The following NKAIN3 variants were observed in gnomAD, a reference collection of about 807,000 sequenced individuals.
The protein encoded by NKAIN3 is sodium/potassium transporting ATPase interacting 3.
Under a neutral mutation model 30.2 loss-of-function variants are expected in NKAIN3, and 25 were observed. The ratio of observed to expected loss-of-function variants is 0.83; its 90% CI spans 0.60 to 1.16. The LOEUF (loss-of-function observed/expected upper bound fraction) is 1.16. NKAIN3 is among the 50% of genes most tolerant of loss of function. The probability of loss-of-function intolerance (pLI) is 0.00; values close to 1 mark genes in which losing one functional copy is unlikely to be tolerated. For synonymous variants in NKAIN3, 91 were observed against 89.6 expected (o/e 1.02, Z -0.09); for missense variants, 225 against 254.1 (o/e 0.89, Z 0.78).
At position 62,574,554 on chromosome 8, in the gene NKAIN3, G is replaced by A. The variant is rs561604562; in HGVS notation, c.55-4985G>A. On this transcript the variant is annotated intron_variant, in intron 1 of 6. Transcript: ENST00000623646. ...ACAGAGCTATAGTAACTGAAACAGC[G>A]TGGCACTGGCATAAAAACAGACACA... Among the ~76,000 whole-genome samples the A allele has an allele frequency of 2.2e-4, 34 of 152,140 alleles. No individual in the cohort carries two copies. In the East Asian group the frequency reaches 2.5e-3, roughly 11 times the overall value.
chr8:62,294,876 A>G (rs187730401), intron 1 of NKAIN3, among the ~76,000 whole-genome samples: 9 of 152,244 alleles, frequency 5.9e-5, no homozygotes, highest in Admixed American at 3.3e-4. Context: ...GTAATTACCT[A>G]CATAGTTCAA....
intron 4 of NKAIN3, among the ~76,000 whole-genome samples, chr8:62,844,062 G>T (rs781525331): frequency 2.0e-5 from 3 of 152,164 alleles, no homozygotes; most frequent in East Asian, 1.9e-4. Context: ...ATTATTAAAG[G>T]TTATTTGCAT....
chr8:62,761,752 C>G (rs1816670822), intron 4 of NKAIN3, among the ~76,000 whole-genome samples: 1 of 152,114 alleles, frequency 6.6e-6, no homozygotes, highest in African/African-American at 2.4e-5. Flanking sequence ...CTTCATATTG[C>G]CGAAAAGAAC....
At chr8:62,514,533 A>G (rs1258467002) in intron 1 of NKAIN3, among the ~76,000 whole-genome samples, 1 of 152,184 alleles carries the variant, frequency 6.6e-6, no homozygotes, top group Non-Finnish European at 1.5e-5. Context: ...GGAACAAAAT[A>G]TGAGATTGTT....
At chr8:62,531,241 T>G (rs566766235) in intron 1 of NKAIN3, among the ~76,000 whole-genome samples, 1 of 152,320 alleles carries the variant, frequency 6.6e-6, no homozygotes, top group African/African-American at 2.4e-5. Flanking sequence ...TCATGTCGTT[T>G]TAGTACATCA....
At position 62,966,435 on chromosome 8, in the gene NKAIN3, T is replaced by C. The variant is rs950512694; in HGVS notation, c.*1028T>C. On this transcript the variant is annotated 3_prime_UTR_variant, in exon 7 of 7. Coordinates refer to ENST00000623646, the MANE Select transcript of NKAIN3 (RefSeq NM_001304533.3). Reference sequence around the variant, plus strand: ...CGCATCACAGTTGTATTTTTTTAACTGGCATAAAACTTACATATGGTAAAA... The same window carrying C: ...CGCATCACAGTTGTATTTTTTTAACCGGCATAAAACTTACATATGGTAAAA... The C allele has an allele frequency of 1.0e-6, 1 of 969,100 alleles. No individual in the cohort carries two copies. Among genetic ancestry groups the C allele is most frequent in the South Asian group, 4.8e-5 (1 of 20,958 alleles). 60.0% of individuals were successfully genotyped at this position (969,100 alleles called of 1,614,324 possible). A position where few individuals can be genotyped will look rare whatever the true frequency, so the allele number is the denominator to read the frequency against.
chr8:62,695,093 C>G (rs6472043), intron 3 of NKAIN3, among the ~76,000 whole-genome samples: 15,363 of 152,132 alleles, frequency 0.1, 1,946 homozygotes, highest in African/African-American at 0.3. Context: ...TTTTCTAATC[C>G]TCTCACCTTA....
At position 62,702,604 on chromosome 8, in the gene NKAIN3, T is replaced by C. The variant is rs114909365; in HGVS notation, c.274-44328T>C. 5.1e-3 allele frequency among the ~76,000 whole-genome samples: 783 copies of C among 152,316 alleles called. 3 individuals are homozygous for C. The highest frequency in any genetic ancestry group is 0.017 in the African/African-American group (727 of 41,586). Reference sequence around the variant, plus strand: ...AGTAAACATCGTTTATGTGGTTTTCTAGATGGTTTCAAATTTGAAATTTAG... The same window carrying C: ...AGTAAACATCGTTTATGTGGTTTTCCAGATGGTTTCAAATTTGAAATTTAG... On this transcript the variant is annotated intron_variant, in intron 3 of 6. Transcript: ENST00000623646.
At chr8:62,460,731 T>C (rs1805974586) in intron 1 of NKAIN3, among the ~76,000 whole-genome samples, 1 of 152,198 alleles carries the variant, frequency 6.6e-6, no homozygotes, top group Non-Finnish European at 1.5e-5. Context: ...CTGTCTTTTT[T>C]ACTCGATAGA....
At chr8:62,333,524 T>C (rs1179305770) in intron 1 of NKAIN3, among the ~76,000 whole-genome samples, 1 of 152,138 alleles carries the variant, frequency 6.6e-6, no homozygotes, top group African/African-American at 2.4e-5. Flanking sequence ...TACTGGAATC[T>C]TGTAATAGTC....
chr8:62,253,590 GTAAA>G (rs575987364), intron 1 of NKAIN3, among the ~76,000 whole-genome samples: 31 of 152,198 alleles, frequency 2.0e-4, no homozygotes, highest in African/African-American at 6.5e-4. Context: ...AAATACATAA[GTAAA>G]TAAATAAATA....
In NKAIN3 at chr8:62,311,717, C is replaced by T. The variant is rs373198401; in HGVS notation, c.54+62590C>T. Among the ~76,000 whole-genome samples the T allele has an allele frequency of 4.0e-5, 6 of 150,460 alleles. No individual in the cohort carries two copies. The East Asian group carries it at 9.7e-4, about 24-fold the overall frequency. ...ACATGGACGTGCCACCTGGGGCACA[C>T]GAAGACTGCGTGGGGTGCTCCTGTG... On this transcript the variant is annotated intron_variant, in intron 1 of 6. Transcript: ENST00000623646.
At chr8:62,855,853 A>G (rs1820045031) in intron 4 of NKAIN3, 2 of 785,958 alleles carry the variant, frequency 2.5e-6, no homozygotes, top group South Asian at 2.8e-5. Context: ...TGGTCATCCA[A>G]CTCCTCTTCC....
intron 5 of NKAIN3, among the ~76,000 whole-genome samples, chr8:62,927,867 A>G (rs1822497462): frequency 6.6e-6 from 1 of 152,248 alleles, no homozygotes; most frequent in African/African-American, 2.4e-5. Context: ...ACCAGACAAT[A>G]AAAGAGATGT....
In NKAIN3 at chr8:62,919,999, C is replaced by A. The variant is rs576239088; in HGVS notation, c.532+1486C>A. Among the ~76,000 whole-genome samples, 8 of 149,336 alleles carry A rather than the reference C, an allele frequency of 5.4e-5. No individual in the cohort carries two copies. In the South Asian group the frequency reaches 1.8e-3, roughly 34 times the overall value. ...ACAACACTTTTCATTTTGAGGTTAA[C>A]TTCAAATCTCTATTTTTAGGAGTTT... On this transcript the variant is annotated intron_variant, in intron 5 of 6. Coordinates refer to ENST00000623646, the MANE Select transcript of NKAIN3 (RefSeq NM_001304533.3).
chr8:62,267,335 G>T (rs1421191161), intron 1 of NKAIN3, among the ~76,000 whole-genome samples: 1 of 152,090 alleles, frequency 6.6e-6, no homozygotes, highest in African/African-American at 2.4e-5. Context: ...TTGCCAGTTT[G>T]TTTCCTTTTT....
At chr8:62,546,070 AGACT>A (rs1449141693) in intron 1 of NKAIN3, among the ~76,000 whole-genome samples, 1 of 152,232 alleles carries the variant, frequency 6.6e-6, no homozygotes, top group Non-Finnish European at 1.5e-5. Context: ...TTTTGCAAGT[AGACT>A]GACTGCTTGC....
At chr8:62,340,795 T>C (rs1815715663) in intron 1 of NKAIN3, among the ~76,000 whole-genome samples, 1 of 151,972 alleles carries the variant, frequency 6.6e-6, no homozygotes, top group Admixed American at 6.6e-5. Flanking sequence ...GAAACTTGGC[T>C]ACGCAGGCTT....
rs559083397 is a variant in NKAIN3 at position 62,555,168 on chromosome 8, T to G, written c.55-24371T>G. Among the ~76,000 whole-genome samples, 6 of 151,968 alleles carry G rather than the reference T, an allele frequency of 3.9e-5. No homozygotes were observed. The East Asian group carries it at 1.2e-3, about 29-fold the overall frequency. On this transcript the variant is annotated intron_variant, in intron 1 of 6. Coordinates refer to ENST00000623646, the MANE Select transcript of NKAIN3 (RefSeq NM_001304533.3). ...TTGTATACCTTAAATATATGCAATA[T>G]AAAAACTCCCAAAGATAAAATTTCA... is the stretch of plus-strand genomic sequence containing the variant.
Sources: gnomAD v4.1 joint callset for allele counts (sites outside exome capture counted in the v4.1 genomes callset) on GRCh38, gnomAD v4.1.1 for gene constraint, MANE v1.5 for transcripts, NCBI Gene and HGNC (gene_info 2026-07-23, HGNC 2026-07-21) for gene names.